Variants in CALN1 observed in about 807,000 individuals in gnomAD.
The protein encoded by CALN1 is calcium-binding protein 8.
A neutral mutation model predicts 30.6 loss-of-function variants in CALN1; 17 were observed. The ratio of observed to expected loss-of-function variants is 0.56; its 90% confidence interval spans 0.38 to 0.83. The LOEUF is 0.83. Among genes scored for constraint, CALN1 ranks in the 40% least tolerant of loss-of-function variants. The pLI is 0.00. For missense variants in CALN1, 291 were observed against 354.9 expected, an observed-to-expected ratio of 0.82 and a Z score of 1.45; for synonymous variants, 156 against 131.4, an observed-to-expected ratio of 1.19 and a Z score of -1.28.
rs181368752 is a variant in CALN1 at position 71,897,677 on chromosome 7, G to A, written c.502-87185C>T. ...AAGATCCTGCAATGGGAAATGAGGA[G>A]AGGGGCTGGGGGGAAGATAATATCA... On this transcript the variant is annotated intron_variant, in intron 5 of 6. Coordinates refer to ENST00000395275, the MANE Select transcript of CALN1 (RefSeq NM_031468.4). Among the ~76,000 whole-genome samples the A allele has an allele frequency of 7.2e-3, 1,093 of 151,826 alleles. 8 individuals carry two copies. Among genetic ancestry groups the A allele is most frequent in the Non-Finnish European group, 0.011 (772 of 67,958 alleles).
rs114927166 is a variant in CALN1 at position 72,168,707 on chromosome 7, T to C, written c.245-62413A>G. The stretch of plus-strand genomic sequence containing the variant: ...TTTGTTATAAGCTGTCAATACAATA[T>C]GCCATACTACCCTTCCTCTGCCAGT... On this transcript the variant is annotated intron_variant, in intron 3 of 6. Transcript: ENST00000395275. Among the ~76,000 whole-genome samples the C allele has an allele frequency of 4.4e-3, 674 of 152,226 alleles. 2 individuals are homozygous for C. The highest frequency in any genetic ancestry group is 0.016 in the African/African-American group (654 of 41,572).
intron 2 of CALN1, among the ~76,000 whole-genome samples, chr7:72,342,560 G>C (rs539382120): frequency 1.3e-5 from 2 of 152,156 alleles, no homozygotes; most frequent in African/African-American, 4.8e-5. Flanking sequence ...TTTGTAGCTG[G>C]ATTTAGCATA....
the CALN1 span, among the ~76,000 whole-genome samples, chr7:72,465,471 C>T: frequency 1.2e-4 from 19 of 152,268 alleles, no homozygotes; most frequent in Admixed American, 8.5e-4. Context: ...GGCTTTAAGA[C>T]GTGGCCTGTG....
chr7:72,054,492 C>CACACAT (rs1803095530), intron 4 of CALN1, among the ~76,000 whole-genome samples: 1 of 96,182 alleles, frequency 1.0e-5, no homozygotes, highest in Non-Finnish European at 2.2e-5. Flanking sequence ...TATATATATA[C>CACACAT]ATATATACAT....
intron 3 of CALN1, among the ~76,000 whole-genome samples, chr7:72,210,301 G>A (rs1425584148): frequency 6.6e-6 from 1 of 152,054 alleles, no homozygotes; most frequent in African/African-American, 2.4e-5. Flanking sequence ...TCCATCCCTC[G>A]GGAGTGTTGG....
At chr7:71,918,634 G>A (rs11766017) in intron 5 of CALN1, among the ~76,000 whole-genome samples, 3,453 of 152,234 alleles carry the variant, frequency 0.023, 88 homozygotes, top group Non-Finnish European at 0.03. Context: ...AGTGTGGGAA[G>A]CAAAGACCCC....
At position 72,258,490 on chromosome 7, in the gene CALN1, T is replaced by G. The variant is rs569294222; in HGVS notation, c.244+20196A>C. ...ATCAATAACCCAAGGGCACTGTCAA[T>G]CAATAAACCAGATTAATTGAGCACA... On this transcript the variant is annotated intron_variant, in intron 3 of 6. Coordinates refer to ENST00000395275, the MANE Select transcript of CALN1 (RefSeq NM_031468.4). Among the ~76,000 whole-genome samples the G allele has an allele frequency of 4.6e-5, 7 of 152,298 alleles. No homozygotes were observed. The South Asian group carries it at 1.5e-3, about 32-fold the overall frequency.
intron 5 of CALN1, among the ~76,000 whole-genome samples, chr7:71,977,158 G>T (rs1798140473): frequency 6.6e-6 from 1 of 152,186 alleles, no homozygotes; most frequent in Non-Finnish European, 1.5e-5. Flanking sequence ...CAATTCTAGT[G>T]CATTGGGCAC....
At chr7:72,018,711 CATAACTTTT>C (rs1800540463) in intron 5 of CALN1, among the ~76,000 whole-genome samples, 1 of 152,188 alleles carries the variant, frequency 6.6e-6, no homozygotes, top group African/African-American at 2.4e-5. Flanking sequence ...GCCAGGGGCT[CATAACTTTT>C]GCGACTAGTA....
chr7:72,383,549 A>T (rs1382620733), intron 2 of CALN1, among the ~76,000 whole-genome samples: 1 of 152,094 alleles, frequency 6.6e-6, no homozygotes, highest in Non-Finnish European at 1.5e-5. Context: ...TCTAGGATGT[A>T]ATCCCCAGAG....
intron 3 of CALN1, among the ~76,000 whole-genome samples, chr7:72,159,766 C>T (rs1787968512): frequency 1.3e-5 from 2 of 152,096 alleles, no homozygotes; most frequent in Admixed American, 1.3e-4. Flanking sequence ...CCACTGCACT[C>T]CAGCCTGGGT....
At chr7:71,980,048 T>G (rs964477358) in intron 5 of CALN1, among the ~76,000 whole-genome samples, 2 of 150,946 alleles carry the variant, frequency 1.3e-5, no homozygotes, top group African/African-American at 4.9e-5. Flanking sequence ...CAGTTAGTTT[T>G]TGTATTTTTA....
chr7:71,907,130 C>G (rs112970223), intron 5 of CALN1, among the ~76,000 whole-genome samples: 164 of 152,232 alleles, frequency 1.1e-3, no homozygotes, highest in African/African-American at 3.8e-3. Context: ...GCCTTTTCAG[C>G]TTTGGATAAT....
chr7:72,007,379 C>T (rs1463370232), intron 5 of CALN1, among the ~76,000 whole-genome samples: 2 of 152,158 alleles, frequency 1.3e-5, no homozygotes, highest in Non-Finnish European at 2.9e-5. Flanking sequence ...AACCCTGTCT[C>T]TACTAAACAT....
chr7:72,044,801 G>A (rs568531880), intron 4 of CALN1, among the ~76,000 whole-genome samples: 3 of 151,636 alleles, frequency 2.0e-5, no homozygotes, highest in African/African-American at 2.4e-5. Context: ...TTAGTTATTC[G>A]AAGAGATGGG....
At chr7:72,159,310 G>C (rs1787938678) in intron 3 of CALN1, among the ~76,000 whole-genome samples, 1 of 152,094 alleles carries the variant, frequency 6.6e-6, no homozygotes, top group African/African-American at 2.4e-5. Flanking sequence ...CTAGAGCCTG[G>C]GCAATATAGC....
chr7:71,780,750 T>C lies in CALN1; in HGVS notation c.*7025A>G, dbSNP rs1792674538. On this transcript the variant is annotated 3_prime_UTR_variant, in exon 7 of 7. Transcript: ENST00000395275. ...ACTGGAAATTGTGCTCTTTATTCAGTAGCTTTCAGTAAGGCTTTCTCAAAT... is the reference window on the plus strand; with the variant it reads ...ACTGGAAATTGTGCTCTTTATTCAGCAGCTTTCAGTAAGGCTTTCTCAAAT... 6.6e-6 allele frequency: 1 copy of C among 152,066 alleles called. No homozygotes were observed. 9.4% of individuals were successfully genotyped at this position (152,066 alleles called of 1,614,324 possible). A position where few individuals can be genotyped will look rare whatever the true frequency, so the allele number is the denominator to read the frequency against.
rs921383563 is a variant in CALN1, at chr7:72,168,813, T to A, written c.245-62519A>T. 1.1e-3 allele frequency among the ~76,000 whole-genome samples: 156 copies of A among 148,326 alleles called. 1 individual carries two copies. Among genetic ancestry groups the A allele is most frequent in the Middle Eastern group, 3.4e-3 (1 of 292 alleles). On this transcript the variant is annotated intron_variant, in intron 3 of 6. Transcript: ENST00000395275. ...TTATTATTATTATTATTATTTTTTTTTTTTTTTTTGAGATGGAGTTTCACT... is the reference window on the plus strand; with the variant it reads ...TTATTATTATTATTATTATTTTTTTATTTTTTTTTGAGATGGAGTTTCACT...
intron 2 of CALN1, among the ~76,000 whole-genome samples, chr7:72,292,245 C>T (rs1798535165): frequency 6.6e-6 from 1 of 151,808 alleles, no homozygotes; most frequent in South Asian, 2.1e-4. Flanking sequence ...AGGCCAAAAT[C>T]AGGGTGCCAG....
Sources: gnomAD v4.1 joint callset for allele counts (sites outside exome capture counted in the v4.1 genomes callset) on GRCh38, gnomAD v4.1.1 for gene constraint, MANE v1.5 for transcripts, NCBI Gene and HGNC (gene_info 2026-07-23, HGNC 2026-07-21) for gene names.